CNTNAP2: variants seen among roughly 807,000 people sequenced by gnomAD.
CNTNAP2 encodes contactin associated protein 2, also known as contactin-associated protein-like 2.
In CNTNAP2, 98 loss-of-function variants were observed where a neutral mutation model predicts 155.2. The ratio of observed to expected loss-of-function variants is 0.63; its 90% CI spans 0.54 to 0.75. CNTNAP2 has a LOEUF of 0.75. Among genes scored for constraint, CNTNAP2 ranks in the 30% least tolerant of loss-of-function variants. The pLI, the probability that CNTNAP2 is intolerant of heterozygous loss-of-function variation, is 0.00. For synonymous variants in CNTNAP2, 651 were observed against 631.2 expected, an observed-to-expected ratio of 1.03 and a Z score of -0.47; for missense variants, 1,727 against 1,688.1, an observed-to-expected ratio of 1.02 and a Z score of -0.40.
rs540832791 is a variant in CNTNAP2, at chr7:147,460,864, T to C, written c.1671-25071T>C. On this transcript the variant is annotated intron_variant, in intron 10 of 23. Coordinates refer to ENST00000361727, the MANE Select transcript of CNTNAP2 (RefSeq NM_014141.6). Reference sequence around the variant, plus strand: ...TGGAATTGAATGTTGACCATAGTATTCTGCATCTAGTTAGGGAAGTCAAGC... The same window carrying C: ...TGGAATTGAATGTTGACCATAGTATCCTGCATCTAGTTAGGGAAGTCAAGC... 3.2e-4 allele frequency among the ~76,000 whole-genome samples: 49 copies of C among 152,308 alleles called. 1 individual carries two copies. In the South Asian group the frequency reaches 0.01, roughly 32 times the overall value.
In CNTNAP2 at chr7:147,489,697, C is replaced by A. The variant is rs891131330; in HGVS notation, c.1777+3656C>A. Reference sequence around the variant, plus strand: ...GTGGCATGATCTCGGTTCACTGCAACCTCCACCTCCCAGGTTCAAGCGATT... The same window carrying A: ...GTGGCATGATCTCGGTTCACTGCAAACTCCACCTCCCAGGTTCAAGCGATT... On this transcript the variant is annotated intron_variant, in intron 11 of 23. Transcript: ENST00000361727. Among the ~76,000 whole-genome samples the A allele has an allele frequency of 2.0e-5, 3 of 152,142 alleles. No individual in the cohort carries two copies. In the South Asian group the frequency reaches 6.2e-4, roughly 32 times the overall value.
chr7:146,641,559 T>C (rs1799708567), intron 1 of CNTNAP2, among the ~76,000 whole-genome samples: 1 of 152,210 alleles, frequency 6.6e-6, no homozygotes, highest in Non-Finnish European at 1.5e-5. Context: ...TCTATGATTA[T>C]TTCTCTCAGC....
In CNTNAP2 at chr7:148,415,681, A is replaced by G; in HGVS notation, c.*65A>G. 1 of 1,580,234 alleles carries G rather than the reference A, an allele frequency of 6.3e-7. No individual in the cohort carries two copies. Among genetic ancestry groups the G allele is most frequent in the Non-Finnish European group, 8.7e-7 (1 of 1,151,740 alleles). Reference sequence around the variant, plus strand: ...ACTAGGGAGGAGAGAAAGGGACAAAAGCACCCTGCTTCATACTCTTGAGCA... The same window carrying G: ...ACTAGGGAGGAGAGAAAGGGACAAAGGCACCCTGCTTCATACTCTTGAGCA... On this transcript the variant is annotated 3_prime_UTR_variant, in exon 24 of 24. Coordinates refer to ENST00000361727, the MANE Select transcript of CNTNAP2 (RefSeq NM_014141.6).
intron 1 of CNTNAP2, among the ~76,000 whole-genome samples, chr7:146,405,566 C>G (rs746833648): frequency 2.8e-4 from 43 of 152,138 alleles, no homozygotes; most frequent in Non-Finnish European, 4.4e-4. Flanking sequence ...TATTATTTCT[C>G]TCTGAATTTC....
intron 9 of CNTNAP2, among the ~76,000 whole-genome samples, chr7:147,394,604 T>C (rs1796778940): frequency 6.6e-6 from 1 of 152,034 alleles, no homozygotes; most frequent in Non-Finnish European, 1.5e-5. Flanking sequence ...AGATACTTAA[T>C]GGGATTGAAA....
Position 148,358,414 on chromosome 7 carries a change from G to A in CNTNAP2, c.3476-25235G>A, listed in dbSNP as rs988344032. ...AGACTGGAAATGAGGCTGGCTTGAG[G>A]GAAATGGGAGACGGGAGCATTTGAG... On this transcript the variant is annotated intron_variant, in intron 21 of 23. Transcript: ENST00000361727. Among the ~76,000 whole-genome samples, 101 of 152,268 alleles carry A rather than the reference G, an allele frequency of 6.6e-4. 1 individual carries two copies. Among genetic ancestry groups the A allele is most frequent in the South Asian group, 4.1e-4 (2 of 4,820 alleles).
At chr7:148,162,164 G>C (rs555119904) in intron 17 of CNTNAP2, among the ~76,000 whole-genome samples, 18 of 152,308 alleles carry the variant, frequency 1.2e-4, no homozygotes, top group South Asian at 4.1e-4. Flanking sequence ...AAGCAGGAGA[G>C]GGGGAGGGGG....
chr7:147,397,926 G>T (rs115077797), intron 10 of CNTNAP2, among the ~76,000 whole-genome samples: 1 of 151,906 alleles, frequency 6.6e-6, no homozygotes, highest in African/African-American at 2.4e-5. Context: ...ACATCTCCAC[G>T]CATTTTCTAA....
At chr7:146,233,973 A>C (rs802555) in intron 1 of CNTNAP2, among the ~76,000 whole-genome samples, 2 of 149,904 alleles carry the variant, frequency 1.3e-5, no homozygotes, top group African/African-American at 4.9e-5. Context: ...TCCTTTGGGA[A>C]TATACCCAGT....
intron 1 of CNTNAP2, among the ~76,000 whole-genome samples, chr7:146,646,293 T>C (rs1206126562): frequency 6.6e-6 from 1 of 152,104 alleles, no homozygotes; most frequent in Non-Finnish European, 1.5e-5. Context: ...TACCATAGCT[T>C]TGTGAAATAT....
At chr7:147,243,495 G>A (rs559610372) in intron 8 of CNTNAP2, among the ~76,000 whole-genome samples, 5 of 152,188 alleles carry the variant, frequency 3.3e-5, no homozygotes, top group East Asian at 1.9e-4. Flanking sequence ...ATATTCATGA[G>A]CACAGGTTTT....
intron 3 of CNTNAP2, among the ~76,000 whole-genome samples, chr7:147,041,981 G>A (rs1431951067): frequency 6.6e-6 from 1 of 152,108 alleles, no homozygotes; most frequent in Non-Finnish European, 1.5e-5. Flanking sequence ...ATGGTTTAAT[G>A]GAATGCTTGT....
chr7:146,210,126 G>A (rs1427018824), intron 1 of CNTNAP2, among the ~76,000 whole-genome samples: 2 of 152,044 alleles, frequency 1.3e-5, no homozygotes, highest in Non-Finnish European at 2.9e-5. Flanking sequence ...TGGACAAAAA[G>A]GCATTGCTAG....
intron 8 of CNTNAP2, chr7:147,161,638 G>GA (rs1802026526): frequency 7.2e-6 from 1 of 139,240 alleles, no homozygotes; most frequent in Non-Finnish European, 1.6e-5. Context: ...CTCTCATAGG[G>GA]TACGCTGGCA....
Position 148,010,366 on chromosome 7 carries a change from A to T in CNTNAP2, c.2383+32377A>T, listed in dbSNP as rs571351596. 8.1e-4 allele frequency among the ~76,000 whole-genome samples: 123 copies of T among 152,028 alleles called. 1 individual carries two copies. The highest frequency in any genetic ancestry group is 2.8e-3 in the African/African-American group (116 of 41,542). On this transcript the variant is annotated intron_variant, in intron 15 of 23. Coordinates refer to ENST00000361727, the MANE Select transcript of CNTNAP2 (RefSeq NM_014141.6). ...GATGTGCAGAAGTTTTAATTTGAATATAGTAGAATTCATCCATTTTCCTTT... is the reference window on the plus strand; with the variant it reads ...GATGTGCAGAAGTTTTAATTTGAATTTAGTAGAATTCATCCATTTTCCTTT...
chr7:147,664,009 TAA>T (rs1795657489), intron 13 of CNTNAP2, among the ~76,000 whole-genome samples: 1 of 152,198 alleles, frequency 6.6e-6, no homozygotes, highest in South Asian at 2.1e-4. Context: ...TTCTGTGTAG[TAA>T]AACGTGTTTA....
At chr7:148,017,657 G>C (rs918104607) in intron 15 of CNTNAP2, among the ~76,000 whole-genome samples, 2 of 152,186 alleles carry the variant, frequency 1.3e-5, no homozygotes, top group African/African-American at 2.4e-5. Context: ...AACCAGTTCA[G>C]ATTAAACCAT....
chr7:147,393,764 A>G (rs1796763116), intron 9 of CNTNAP2, among the ~76,000 whole-genome samples: 1 of 152,094 alleles, frequency 6.6e-6, no homozygotes, highest in South Asian at 2.1e-4. Flanking sequence ...ACATTAAAGT[A>G]GAGCCTTACA....
intron 9 of CNTNAP2, among the ~76,000 whole-genome samples, chr7:147,377,849 G>A (rs546297789): frequency 4.0e-5 from 6 of 151,756 alleles, no homozygotes; most frequent in Non-Finnish European, 5.9e-5. Flanking sequence ...TTTATGTTCC[G>A]TGGTAATGTG....
Sources: gnomAD v4.1 joint callset for allele counts (sites outside exome capture counted in the v4.1 genomes callset) on GRCh38, gnomAD v4.1.1 for gene constraint, MANE v1.5 for transcripts, NCBI Gene and HGNC (gene_info 2026-07-23, HGNC 2026-07-21) for gene names.